Variants in AKAP9 observed in about 807,000 individuals in gnomAD.
AKAP9 encodes the protein A-kinase anchor protein 9.
In AKAP9, 311 loss-of-function variants were observed where a neutral mutation model predicts 488.5. The ratio of observed to expected loss-of-function variants is 0.64; its 90% CI spans 0.58 to 0.70. The LOEUF (loss-of-function observed/expected upper bound fraction) is 0.70, where lower values mean the gene tolerates loss of function less well. Among genes scored for constraint, AKAP9 ranks in the 30% least tolerant of loss-of-function variants. AKAP9 has a pLI of 0.00. For missense variants in AKAP9, 4,215 were observed against 4,374.5 expected, an observed-to-expected ratio of 0.96 and a Z score of 1.03; for synonymous variants, 1,462 against 1,483.5, an observed-to-expected ratio of 0.99 and a Z score of 0.33.
At chr7:92,100,573 G>GT (rs1817361681) in intron 44 of AKAP9, among the ~76,000 whole-genome samples, 1 of 152,178 alleles carries the variant, frequency 6.6e-6, no homozygotes, top group African/African-American at 2.4e-5. Context: ...CAAATGGTCT[G>GT]TTAGGTCTCT....
Position 92,083,196 on chromosome 7 carries a change from T to A in AKAP9, c.8187T>A (p.Leu2729=), listed in dbSNP as rs1429522660. ...TAAAAGAAACAAATATGACATCTCTTCAGAAAGACTTAAGCCAAGTTAGGG... is the reference window on the plus strand; with the variant it reads ...TAAAAGAAACAAATATGACATCTCTACAGAAAGACTTAAGCCAAGTTAGGG... The part of the protein sequence containing the change: ...LLVKETNMTS[L]QKDLSQVRDH... The change falls in exon 33 of 50, where the codon CTT becomes CTA. Residue 2729 remains leucine, a synonymous_variant. Transcript: ENST00000356239. The A allele has an allele frequency of 6.2e-7, 1 of 1,613,978 alleles. No homozygotes were observed. The highest frequency in any genetic ancestry group is 1.1e-5 in the South Asian group (1 of 91,064).
chr7:92,021,520 C>T (rs1014649751), intron 12 of AKAP9, among the ~76,000 whole-genome samples: 2 of 152,156 alleles, frequency 1.3e-5, no homozygotes, highest in African/African-American at 4.8e-5. Flanking sequence ...CTCACTGCAA[C>T]TTCCCCTTCC....
intron 31 of AKAP9, among the ~76,000 whole-genome samples, chr7:92,081,189 GTAA>G (rs1483894481): frequency 5.9e-5 from 9 of 151,936 alleles, no homozygotes; most frequent in East Asian, 1.9e-4. Flanking sequence ...TTCCTTTTAA[GTAA>G]TAATAAGTAT....
intron 20 of AKAP9, among the ~76,000 whole-genome samples, chr7:92,044,298 G>C (rs1056726717): frequency 6.6e-6 from 1 of 152,036 alleles, no homozygotes; most frequent in Non-Finnish European, 1.5e-5. Context: ...TTGAAAACAG[G>C]TTTCTTCTGC....
At chr7:92,083,764 G>C (rs1814030728) in intron 33 of AKAP9, 109 bp downstream of exon 33, 1 of 1,143,334 alleles carries the variant, frequency 8.7e-7, no homozygotes, top group Non-Finnish European at 1.2e-6. Context: ...ACTCATTAAG[G>C]CACTTGATCT....
At chr7:91,968,684 T>C (rs374098862) in intron 1 of AKAP9, among the ~76,000 whole-genome samples, 10 of 152,288 alleles carry the variant, frequency 6.6e-5, no homozygotes, top group African/African-American at 2.2e-4. Flanking sequence ...AGTGCGTTGT[T>C]TGGTTGTTTA....
Position 92,062,419 on chromosome 7 carries a change from A to G in AKAP9, c.5910A>G (p.Gln1970=), listed in dbSNP as rs772181773. The G allele has an allele frequency of 2.5e-6, 4 of 1,613,910 alleles. No homozygotes were observed. Among genetic ancestry groups the G allele is most frequent in the Admixed American group, 3.3e-5 (2 of 59,990 alleles). Residue 1970 remains glutamine, a synonymous_variant, in exon 24 of 50, where the codon CAA becomes CAG. Coordinates refer to ENST00000356239, the MANE Select transcript of AKAP9 (RefSeq NM_005751.5). ...TGGAGGCAGAGCAACAGCAGATCCA[A>G]GAAGAAAGAGAATTACTGTCCAGAC... The part of the protein sequence containing the change: ...QELEAEQQQI[Q]EERELLSRQK...
At chr7:92,098,076 G>A (rs1274957035) in intron 42 of AKAP9, 33 bp from the exon 43 acceptor site, 1 of 1,402,840 alleles carries the variant, frequency 7.1e-7, no homozygotes, top group East Asian at 2.3e-5. Flanking sequence ...CAATTGAGAA[G>A]GTATGTTTTG....
chr7:91,964,252 GC>G (rs1230309859), intron 1 of AKAP9, among the ~76,000 whole-genome samples: 1 of 152,088 alleles, frequency 6.6e-6, no homozygotes, highest in Non-Finnish European at 1.5e-5. Flanking sequence ...TTTGAGTCCT[GC>G]CTTCTCTGTT....
chr7:92,082,019 T>A (rs1368722049), intron 31 of AKAP9, among the ~76,000 whole-genome samples: 2 of 152,136 alleles, frequency 1.3e-5, no homozygotes, highest in Non-Finnish European at 2.9e-5. Context: ...CAGGCTGAAG[T>A]TTAGTGGCGC....
intron 1 of AKAP9, among the ~76,000 whole-genome samples, chr7:91,947,157 GGTGTGTGT>G (rs773445421): frequency 8.3e-6 from 1 of 120,798 alleles, no homozygotes; most frequent in Non-Finnish European, 1.8e-5. Context: ...TGGTGTCTGG[GGTGTGTGT>G]GTGTGTGTGC....
At position 91,941,012 on chromosome 7, in the gene AKAP9, C is replaced by T. The variant is rs1034542288; in HGVS notation, c.-88C>T. 7.4e-7 allele frequency: 1 copy of T among 1,355,484 alleles called. No individual in the cohort carries two copies. The allele number at this position is 1,355,484 out of a possible 1,614,324, so 84.0% of individuals were successfully genotyped here. ...TCGGCTCTCTAGGCCGTGGAGCTTG[C>T]CGTCCCACCTCCGTCCAAATCGACC... On this transcript the variant is annotated 5_prime_UTR_variant, in exon 1 of 50. Transcript: ENST00000356239.
chr7:91,963,267 G>A (rs994130916), intron 1 of AKAP9, among the ~76,000 whole-genome samples: 2 of 152,086 alleles, frequency 1.3e-5, no homozygotes, highest in African/African-American at 4.8e-5. Context: ...GTTCCTCAAG[G>A]AGACATGAGG....
chr7:92,043,215 TA>T lies in AKAP9; in HGVS notation c.5162+446del, dbSNP rs1295656963. 6 of 356,714 alleles carry T rather than the reference TA, an allele frequency of 1.7e-5. No homozygotes were observed. The South Asian group carries it at 4.3e-4, about 25-fold the overall frequency. The allele number at this position is 356,714 out of a possible 1,614,324, so 22.1% of individuals were successfully genotyped here. A position where few individuals can be genotyped will look rare whatever the true frequency, so the allele number is the denominator to read the frequency against. Reference sequence around the variant, plus strand: ...TAAATTAAAACTAATATTTACTTCTTAATTTCCTCCTTTTCCAATTTCTGTG... The same window carrying T: ...TAAATTAAAACTAATATTTACTTCTTATTTCCTCCTTTTCCAATTTCTGTG... On this transcript the variant is annotated intron_variant, in intron 20 of 49. Coordinates refer to ENST00000356239, the MANE Select transcript of AKAP9 (RefSeq NM_005751.5).
chr7:92,022,818 C>A lies in AKAP9; in HGVS notation c.3957C>A (p.Val1319=). ...SQMTNLEDID[V]NHKSKLSSLQ... ...TTGTCTCTTTATATAACATAGATGT[C>A]AATCATAAAAGCAAGTTATCTTCTC... The change falls in exon 14 of 50, where the codon GTC becomes GTA. Residue 1319 remains valine (V), a synonymous_variant. Coordinates refer to ENST00000356239, the MANE Select transcript of AKAP9 (RefSeq NM_005751.5). 1.3e-6 allele frequency: 2 copies of A among 1,581,996 alleles called. No individual in the cohort carries two copies. The highest frequency in any genetic ancestry group is 2.2e-5 in the South Asian group (2 of 89,996).
At chr7:91,961,194 C>G (rs369524425) in intron 1 of AKAP9, among the ~76,000 whole-genome samples, 6 of 151,704 alleles carry the variant, frequency 4.0e-5, no homozygotes, top group African/African-American at 1.2e-4. Context: ...GAGTCTCACT[C>G]TGTTGCCCAG....
intron 8 of AKAP9, among the ~76,000 whole-genome samples, chr7:92,010,527 A>C (rs1286255864): frequency 6.6e-6 from 1 of 152,204 alleles, no homozygotes. Context: ...GTGTCTGAGT[A>C]CGTTATTCAT....
rs771949404 is a variant in AKAP9 at position 92,012,486 on chromosome 7, A to G, written c.3376A>G (p.Thr1126Ala). The G allele has an allele frequency of 6.2e-7, 1 of 1,614,094 alleles. No homozygotes were observed. The highest frequency in any genetic ancestry group is 8.5e-7 in the Non-Finnish European group (1 of 1,179,988). ...CATTTGCCTCTCTCTGGTTTATTCA[A>G]CTCATGTGGATCAGGTTCGTGAATA... ...QRICLSLVYS[T>A]HVDQVREYME... The change falls in exon 9 of 50, where the codon ACT becomes GCT. Residue 1126 changes from threonine to alanine, a missense_variant. Around this residue, in one of 5 missense-constraint regions of AKAP9, gnomAD observed 2,361 missense variants for 2,430.0 expected, o/e 0.97. Coordinates refer to ENST00000356239, the MANE Select transcript of AKAP9 (RefSeq NM_005751.5).
At chr7:91,959,726 T>TA (rs1008964248) in intron 1 of AKAP9, among the ~76,000 whole-genome samples, 14 of 151,530 alleles carry the variant, frequency 9.2e-5, no homozygotes, top group East Asian at 1.9e-4. Context: ...AACCTTTATT[T>TA]AAAAAAAAAT....
Sources: allele counts gnomAD v4.1 joint callset (sites outside exome capture counted in the v4.1 genomes callset), GRCh38; gene constraint gnomAD v4.1.1; regional missense constraint gnomAD v4.1.1; transcripts MANE v1.5; gene names NCBI Gene and HGNC (gene_info 2026-07-23, HGNC 2026-07-21).